The following P3H4 variants were observed in gnomAD, a reference collection of about 807,000 sequenced individuals.
The protein encoded by P3H4 is endoplasmic reticulum protein SC65.
In P3H4, 47 loss-of-function variants were observed where a neutral mutation model predicts 52.9. The ratio of observed to expected loss-of-function variants is 0.89; its 90% confidence interval spans 0.70 to 1.13. P3H4 has a LOEUF of 1.13. P3H4 is among the 50% of genes most tolerant of loss of function. The pLI, the probability that P3H4 is intolerant of heterozygous loss-of-function variation, is 0.00. For missense variants in P3H4, 585 were observed against 611.0 expected, an observed-to-expected ratio of 0.96 and a Z score of 0.45; for synonymous variants, 256 against 267.9, an observed-to-expected ratio of 0.96 and a Z score of 0.44.
At position 41,806,962 on chromosome 17, in the gene P3H4, C is replaced by A. The variant is rs898143497; in HGVS notation, c.1063-83G>T. 4 of 982,962 alleles carry A rather than the reference C, an allele frequency of 4.1e-6. No homozygotes were observed. The African/African-American group carries it at 6.4e-5, about 16-fold the overall frequency. 60.9% of individuals were successfully genotyped at this position (982,962 alleles called of 1,614,324 possible). A position where few individuals can be genotyped will look rare whatever the true frequency, so the allele number is the denominator to read the frequency against. On this transcript the variant is annotated intron_variant, in intron 5 of 7. Coordinates refer to ENST00000393928, the MANE Select transcript of P3H4 (RefSeq NM_006455.3). Reference sequence around the variant, plus strand: ...GAAGCCAGGGCTCCTAGGATCTGGGCCCACTGGCCCTCTTCTAGCTCAAGG... The same window carrying A: ...GAAGCCAGGGCTCCTAGGATCTGGGACCACTGGCCCTCTTCTAGCTCAAGG...
intron 3 of P3H4, among the ~76,000 whole-genome samples, chr17:41,810,481 CCTTT>C (rs1432997500): frequency 1.3e-5 from 2 of 152,044 alleles, no homozygotes; most frequent in African/African-American, 2.4e-5. Context: ...CAAGTACAGT[CCTTT>C]CTGCCCCTGC....
chr17:41,808,530 G>A (rs1415834395), intron 4 of P3H4, among the ~76,000 whole-genome samples: 1 of 152,082 alleles, frequency 6.6e-6, no homozygotes, highest in African/African-American at 2.4e-5. Context: ...TGGGACTACA[G>A]GCACGCGCCA....
intron 3 of P3H4, 180 bp downstream of exon 3, chr17:41,810,683 T>C: frequency 1.5e-6 from 1 of 676,126 alleles, no homozygotes; most frequent in Middle Eastern, 3.9e-4. Context: ...TACTCACTGA[T>C]CCAGCCCCTT....
Position 41,811,216 on chromosome 17 carries a change from C to A in P3H4, c.531G>T (p.Leu177=), listed in dbSNP as rs1288703599. The change falls in exon 2 of 8, where the codon CTG becomes CTT. Residue 177 remains leucine (L), a synonymous_variant. Transcript: ENST00000393928. This position sits in a 1 kb window ranked among gnomAD's most constrained non-coding sequence, Gnocchi z 4.8. ...TFLQRNPKHE[L]TAKYLNYYQG... is the part of the protein sequence containing the mutation. Reference sequence around the variant, plus strand: ...GATAGTAGTTGAGATACTTGGCGGTCAGCTCGTGCTTCGGGTTCCTCTGGA... The same window carrying A: ...GATAGTAGTTGAGATACTTGGCGGTAAGCTCGTGCTTCGGGTTCCTCTGGA... 5.6e-6 allele frequency: 9 copies of A among 1,614,004 alleles called. No homozygotes were observed. Among genetic ancestry groups the A allele is most frequent in the Non-Finnish European group, 5.1e-6 (6 of 1,180,046 alleles).
chr17:41,805,975 C>T (rs1164453610), intron 6 of P3H4, among the ~76,000 whole-genome samples: 1 of 152,120 alleles, frequency 6.6e-6, no homozygotes, highest in Non-Finnish European at 1.5e-5. Context: ...AATCCCAGCA[C>T]TTTGGGAGAC....
chr17:41,811,112 C>A lies in P3H4; in HGVS notation c.615+20G>T. On this transcript the variant is annotated intron_variant, in intron 2 of 7. Coordinates refer to ENST00000393928, the MANE Select transcript of P3H4 (RefSeq NM_006455.3). This position sits in a 1 kb window ranked among gnomAD's most constrained non-coding sequence, Gnocchi z 4.8. ...CTACTAGCCCTCCTCTACAAGCCTC[C>A]TCCTGACCCTCCACCCCACCTCGTA... 6.2e-7 allele frequency: 1 copy of A among 1,613,974 alleles called. No individual in the cohort carries two copies. Among genetic ancestry groups the A allele is most frequent in the South Asian group, 1.1e-5 (1 of 91,066 alleles).
chr17:41,810,825 G>C, intron 3 of P3H4, 38 bp downstream of exon 3: 1 of 1,587,432 alleles, frequency 6.3e-7, no homozygotes. Flanking sequence ...GGCCCTGTGG[G>C]TGAGAGGACC....
intron 5 of P3H4, 121 bp from the exon 6 acceptor site, chr17:41,807,000 G>A (rs1186084243): frequency 1.1e-5 from 8 of 712,262 alleles, no homozygotes; most frequent in Admixed American, 2.2e-5. Context: ...CAGAGAATAG[G>A]TATCAGCTCA....
intron 4 of P3H4, 145 bp downstream of exon 4, chr17:41,809,561 A>G: frequency 3.2e-6 from 3 of 945,946 alleles, no homozygotes; most frequent in Non-Finnish European, 4.6e-6. Flanking sequence ...CCTTCCCCAT[A>G]TTCCCACCAC....
At chr17:41,808,370 C>A (rs1402202077) in intron 4 of P3H4, among the ~76,000 whole-genome samples, 1 of 152,084 alleles carries the variant, frequency 6.6e-6, no homozygotes, top group Non-Finnish European at 1.5e-5. Context: ...GGCACCACCA[C>A]ACCCATCTAA....
At chr17:41,806,637 G>A (rs969352127) in intron 6 of P3H4, among the ~76,000 whole-genome samples, 159 bp downstream of exon 6, 3 of 152,226 alleles carry the variant, frequency 2.0e-5, no homozygotes, top group Admixed American at 2.0e-4. Flanking sequence ...TAAGGCTGGG[G>A]AAGGAACGGA....
rs1555615232 is a variant in P3H4, at chr17:41,811,712, G to C, written c.204C>G (p.Leu68=). 2 of 1,489,266 alleles carry C rather than the reference G, an allele frequency of 1.3e-6. No individual in the cohort carries two copies. The highest frequency in any genetic ancestry group is 1.3e-5 in the South Asian group (1 of 77,726). The allele number at this position is 1,489,266 out of a possible 1,614,324, so 92.3% of individuals were successfully genotyped here. Reference sequence around the variant, plus strand: ...GGCAGAAGGCCTCGCTGTCGCGCAGGAGCCGGTGCAGCCGCAGCGCCGCCT... The same window carrying C: ...GGCAGAAGGCCTCGCTGTCGCGCAGCAGCCGGTGCAGCCGCAGCGCCGCCT... The part of the protein sequence containing the change: ...YLEAALRLHR[L]LRDSEAFCHA... The change falls in exon 1 of 8, where the codon CTC becomes CTG. Residue 68 remains leucine (L), a synonymous_variant. Transcript: ENST00000393928. The surrounding 1 kb of genome is among the most constrained non-coding windows in gnomAD (Gnocchi z 4.8).
intron 6 of P3H4, among the ~76,000 whole-genome samples, chr17:41,803,735 C>T (rs2047642947): frequency 6.6e-6 from 1 of 152,182 alleles, no homozygotes; most frequent in Admixed American, 6.6e-5. Context: ...ATAATATTTG[C>T]TCATACTGTT....
intron 6 of P3H4, among the ~76,000 whole-genome samples, chr17:41,805,616 T>C (rs925744510): frequency 3.9e-5 from 6 of 152,002 alleles, no homozygotes; most frequent in Admixed American, 3.9e-4. Context: ...TGAGCTACCA[T>C]ACCCGGCCAG....
Position 41,802,978 on chromosome 17 carries a change from C to G in P3H4, c.1293G>C (p.Glu431Asp). 6.2e-7 allele frequency: 1 copy of G among 1,610,682 alleles called. No homozygotes were observed. The highest frequency in any genetic ancestry group is 2.2e-5 in the East Asian group (1 of 44,780). ...PDAKGDEAEA[E>D]PEPELA ...CTTCTCATGCGAGTTCAGGCTCTGG[C>G]TCTGAAAAGGAAAGGAGAAAGCACT... The change falls in exon 8 of 8, where the codon GAG becomes GAC. Residue 431 changes from glutamate to aspartate, a missense_variant and splice_region_variant. Coordinates refer to ENST00000393928, the MANE Select transcript of P3H4 (RefSeq NM_006455.3).
rs199550190 is a variant in P3H4 at position 41,811,730 on chromosome 17, C to G, written c.186G>C (p.Ala62=). The G allele has an allele frequency of 1.6e-4, 244 of 1,510,684 alleles. No individual in the cohort carries two copies. In the African/African-American group the frequency reaches 3.0e-3, roughly 18 times the overall value. 93.6% of individuals were successfully genotyped at this position (1,510,684 alleles called of 1,614,324 possible). A position where few individuals can be genotyped will look rare whatever the true frequency, so the allele number is the denominator to read the frequency against. The change falls in exon 1 of 8, where the codon GCG becomes GCC. Residue 62 remains alanine, a synonymous_variant. Coordinates refer to ENST00000393928, the MANE Select transcript of P3H4 (RefSeq NM_006455.3). The surrounding 1 kb of genome is among the most constrained non-coding windows in gnomAD (Gnocchi z 4.8). ...CGCGCAGGAGCCGGTGCAGCCGCAG[C>G]GCCGCCTCCAGGTAGCGCGCGCTCT... ...WRESARYLEA[A]LRLHRLLRDS...
Position 41,811,005 on chromosome 17 carries a change from G to GTA in P3H4, c.643_644dup (p.Asn216ThrfsTer47), listed in dbSNP as rs1555614944. ...TGCTGCTGCGGAAATCCCCGCTGTT[G>GTA]TAGAGCTTCACAGCCCGGAGGAACA... On this transcript the variant is annotated frameshift_variant, in exon 3 of 8. Coordinates refer to ENST00000393928, the MANE Select transcript of P3H4 (RefSeq NM_006455.3). LOFTEE classifies it high-confidence loss of function. The surrounding 1 kb of genome is among the most constrained non-coding windows in gnomAD (Gnocchi z 4.8). 1.2e-6 allele frequency: 2 copies of GTA among 1,613,982 alleles called. No homozygotes were observed. The highest frequency in any genetic ancestry group is 2.7e-5 in the African/African-American group (2 of 74,932).
At chr17:41,808,064 C>T (rs1555614461) in intron 4 of P3H4, 60 bp from the exon 5 acceptor site, 1 of 1,572,786 alleles carries the variant, frequency 6.4e-7, no homozygotes. Flanking sequence ...TCAACTCCAT[C>T]TTCCAGTTCA....
At position 41,811,218 on chromosome 17, in the gene P3H4, G is replaced by C; in HGVS notation, c.529C>G (p.Leu177Val). 6.2e-7 allele frequency: 1 copy of C among 1,614,108 alleles called. No homozygotes were observed. The highest frequency in any genetic ancestry group is 8.5e-7 in the Non-Finnish European group (1 of 1,180,038). Residue 177 changes from leucine to valine, a missense_variant, in exon 2 of 8, where the codon CTG becomes GTG. Coordinates refer to ENST00000393928, the MANE Select transcript of P3H4 (RefSeq NM_006455.3). The surrounding 1 kb of genome is among the most constrained non-coding windows in gnomAD (Gnocchi z 4.8). ...TFLQRNPKHE[L>V]TAKYLNYYQG... ...TAGTAGTTGAGATACTTGGCGGTCA[G>C]CTCGTGCTTCGGGTTCCTCTGGAGG... is the stretch of plus-strand genomic sequence containing the variant.
Sources: allele counts gnomAD v4.1 joint callset (sites outside exome capture counted in the v4.1 genomes callset), GRCh38; gene constraint gnomAD v4.1.1; non-coding constraint Gnocchi (gnomAD v3.1); transcripts MANE v1.5; gene names NCBI Gene and HGNC (gene_info 2026-07-23, HGNC 2026-07-21).